Variants in STAB2 observed in about 807,000 individuals in gnomAD.
STAB2 encodes the protein stabilin 2.
Under a neutral mutation model 338.1 loss-of-function variants are expected in STAB2, and 288 were observed. The ratio of observed to expected loss-of-function variants is 0.85; its 90% CI spans 0.77 to 0.94. The LOEUF (loss-of-function observed/expected upper bound fraction) is 0.94, where lower values mean the gene tolerates loss of function less well. Among genes scored for constraint, STAB2 ranks in the 40% least tolerant of loss-of-function variants. The pLI is 0.00. For missense variants in STAB2, 3,141 were observed against 3,210.1 expected, an observed-to-expected ratio of 0.98 and a Z score of 0.52; for synonymous variants, 1,202 against 1,193.3, an observed-to-expected ratio of 1.01 and a Z score of -0.15.
chr12:103,754,687 C>T (rs980788310), intron 61 of STAB2, among the ~76,000 whole-genome samples: 13 of 152,092 alleles, frequency 8.5e-5, no homozygotes, highest in African/African-American at 2.9e-4. Flanking sequence ...TGGTGACTCA[C>T]GCCTGTAATC....
chr12:103,715,667 T>C, intron 42 of STAB2, 148 bp from the exon 43 acceptor site: 1 of 835,064 alleles, frequency 1.2e-6, no homozygotes, highest in Admixed American at 2.3e-5. Context: ...AGTTCAGTTA[T>C]TTCTGTCTCA....
chr12:103,652,598 G>A lies in STAB2; in HGVS notation c.1300G>A (p.Val434Met). 1 of 1,608,234 alleles carries A rather than the reference G, an allele frequency of 6.2e-7. No homozygotes were observed. The highest frequency in any genetic ancestry group is 2.2e-5 in the East Asian group (1 of 44,728). Residue 434 changes from valine to methionine, a missense_variant, in exon 12 of 69, where the codon GTG becomes ATG. Val to Met is a conservative substitution (Grantham distance 21). Coordinates refer to ENST00000388887, the MANE Select transcript of STAB2 (RefSeq NM_017564.10). ...LVDNKAAQYF[V>M]KLHIIAGQMN... ...GGATAATAAAGCTGCTCAATACTTT[G>A]TGAAACTCCACATAATTGCTGGTCA...
At chr12:103,700,733 T>C (rs1249837204) in intron 34 of STAB2, among the ~76,000 whole-genome samples, 1 of 152,250 alleles carries the variant, frequency 6.6e-6, no homozygotes, top group East Asian at 1.9e-4. Flanking sequence ...CAGCGTTCAT[T>C]TTTCCATGTG....
chr12:103,753,164 G>A (rs149323747), intron 60 of STAB2, 56 bp from the exon 61 acceptor site: 1 of 1,601,922 alleles, frequency 6.2e-7, no homozygotes, highest in African/African-American at 1.3e-5. Flanking sequence ...TCCATTGTTG[G>A]AAACACTGCC....
In STAB2 at chr12:103,728,901, T is replaced by A. The variant is rs1461328595; in HGVS notation, c.4988T>A (p.Val1663Glu). The A allele has an allele frequency of 1.9e-6, 3 of 1,613,880 alleles. No individual in the cohort carries two copies. The highest frequency in any genetic ancestry group is 2.5e-6 in the Non-Finnish European group (3 of 1,179,874). The change falls in exon 48 of 69, where the codon GTG (valine) becomes GAG (glutamate). Residue 1663 changes from valine (V) to glutamate (E), a missense_variant. Coordinates refer to ENST00000388887, the MANE Select transcript of STAB2 (RefSeq NM_017564.10). ...GLMPQVLRYH[V>E]VACHQLLLEN... The stretch of plus-strand genomic sequence containing the variant: ...ATGCCCCAGGTTCTTCGGTACCATG[T>A]GGTCGCCTGCCACCAGCTGCTTCTG...
rs748600213 is a variant in STAB2 at position 103,725,026 on chromosome 12, G to GA, written c.4738dup (p.Arg1580LysfsTer62). 1.2e-5 allele frequency: 19 copies of GA among 1,613,990 alleles called. No homozygotes were observed. Among genetic ancestry groups the GA allele is most frequent in the Non-Finnish European group, 1.5e-5 (18 of 1,179,956 alleles). On this transcript the variant is annotated frameshift_variant, in exon 45 of 69. Transcript: ENST00000388887. LOFTEE classifies it high-confidence loss of function. ...CATCTGCAACCACACTGGGCAAGTA[G>GA]AAAGGACTTGTACTTGCAAGCCAAA...
rs142351376 is a variant in STAB2 at position 103,742,510 on chromosome 12, C to T, written c.5987C>T (p.Ala1996Val). 8.0e-4 allele frequency: 1,293 copies of T among 1,614,090 alleles called. 11 individuals carry two copies. The highest frequency in any genetic ancestry group is 4.7e-5 in the Non-Finnish European group (55 of 1,180,022). The change falls in exon 56 of 69, where the codon GCG becomes GTG. Residue 1996 changes from alanine to valine, a missense_variant. Ala to Val is a moderately conservative substitution (Grantham distance 64). Transcript: ENST00000388887. ...CKCNTGFNGTACEMCWPGRFG... is the reference protein window; with the variant it reads ...CKCNTGFNGTVCEMCWPGRFG... ...TGCAACACCGGCTTCAATGGGACGGCGTGTGAGATGTGCTGGCCGGGGAGA... is the reference window on the plus strand; with the variant it reads ...TGCAACACCGGCTTCAATGGGACGGTGTGTGAGATGTGCTGGCCGGGGAGA...
intron 3 of STAB2, among the ~76,000 whole-genome samples, chr12:103,606,953 CAGCCTGGGCAACAGAG>C (rs1230151626): frequency 6.6e-6 from 1 of 152,100 alleles, no homozygotes; most frequent in Admixed American, 6.5e-5. Flanking sequence ...GACTGCACTC[CAGCCTGGGCAACAGAG>C]CAAGACTCTG....
chr12:103,623,405 G>A (rs1237776767), intron 5 of STAB2, among the ~76,000 whole-genome samples: 1 of 152,172 alleles, frequency 6.6e-6, no homozygotes, highest in African/African-American at 2.4e-5. Context: ...CTGACCTTAG[G>A]ATAAGAGATT....
chr12:103,745,056 CTG>C, intron 56 of STAB2, 115 bp from the exon 57 acceptor site: 1 of 787,174 alleles, frequency 1.3e-6, no homozygotes, highest in African/African-American at 1.8e-5. Flanking sequence ...GAATGAATGA[CTG>C]TGACATAAGC....
chr12:103,726,186 T>C, intron 46 of STAB2, 23 bp downstream of exon 46: 1 of 1,613,478 alleles, frequency 6.2e-7, no homozygotes, highest in Non-Finnish European at 8.5e-7. Flanking sequence ...CATGTCTGTC[T>C]AGCCATAAGA....
chr12:103,635,918 T>C (rs1957537899), intron 6 of STAB2, among the ~76,000 whole-genome samples: 1 of 152,202 alleles, frequency 6.6e-6, no homozygotes, highest in African/African-American at 2.4e-5. Flanking sequence ...ATCCAGTGAC[T>C]AACGCCATGC....
At chr12:103,695,496 A>T in intron 31 of STAB2, 54 bp from the exon 32 acceptor site, 1 of 1,570,196 alleles carries the variant, frequency 6.4e-7, no homozygotes, top group East Asian at 2.2e-5. Context: ...TGTATCGAAA[A>T]GCAGTAGGTC....
chr12:103,705,811 G>GC (rs1396578080), intron 37 of STAB2, 84 bp downstream of exon 37: 1 of 1,317,838 alleles, frequency 7.6e-7, no homozygotes, highest in Non-Finnish European at 1.1e-6. Context: ...AAATCCCTGT[G>GC]CAGGTATGCT....
Position 103,637,094 on chromosome 12 carries a change from A to G in STAB2, c.584-17A>G, listed in dbSNP as rs1253464588. 3.8e-6 allele frequency: 6 copies of G among 1,589,996 alleles called. No individual in the cohort carries two copies. The South Asian group carries it at 7.0e-5, about 18-fold the overall frequency. ...TTATTCTACTAATGCAAGTACTTCA[A>G]CAATTTTCCTATGCAGCCATCCCTG... On this transcript the variant is annotated splice_polypyrimidine_tract_variant and intron_variant, in intron 6 of 68. Coordinates refer to ENST00000388887, the MANE Select transcript of STAB2 (RefSeq NM_017564.10).
intron 3 of STAB2, among the ~76,000 whole-genome samples, chr12:103,615,087 T>C (rs1421078589): frequency 6.6e-6 from 1 of 152,200 alleles, no homozygotes; most frequent in Non-Finnish European, 1.5e-5. Flanking sequence ...TTTATTTTAG[T>C]TTCATCTGCT....
intron 3 of STAB2, among the ~76,000 whole-genome samples, chr12:103,610,831 A>G (rs1159053616): frequency 6.6e-6 from 1 of 152,222 alleles, no homozygotes; most frequent in Non-Finnish European, 1.5e-5. Context: ...ATTTAGTGCT[A>G]TAAATTTCCC....
Position 103,591,025 on chromosome 12 carries a change from T to C in STAB2, c.210T>C (p.Asp70=), listed in dbSNP as rs1956790134. The C allele has an allele frequency of 3.1e-6, 5 of 1,613,526 alleles. No individual in the cohort carries two copies. The highest frequency in any genetic ancestry group is 1.6e-4 in the Middle Eastern group (1 of 6,084). The change falls in exon 2 of 69, where the codon GAT becomes GAC. Residue 70 remains aspartate, a synonymous_variant. Transcript: ENST00000388887. ...MITSGSVGVR[D]CRYTFEVRTY... ...CCAGTGGCTCTGTAGGGGTTCGAGA[T>C]TGCAGGTACTCATGAGAAAATAAAC... is the stretch of plus-strand genomic sequence containing the variant.
chr12:103,591,000 C>T lies in STAB2; in HGVS notation c.185C>T (p.Thr62Ile). The T allele has an allele frequency of 6.2e-7, 1 of 1,614,022 alleles. No individual in the cohort carries two copies. Among genetic ancestry groups the T allele is most frequent in the South Asian group, 1.1e-5 (1 of 91,056 alleles). Reference sequence around the variant, plus strand: ...TGCCCGGATGGTTACACCATGATTACCAGTGGCTCTGTAGGGGTTCGAGAT... The same window carrying T: ...TGCCCGGATGGTTACACCATGATTATCAGTGGCTCTGTAGGGGTTCGAGAT... ...VKCPDGYTMI[T>I]SGSVGVRDCR... Residue 62 changes from threonine (T) to isoleucine (I), a missense_variant, in exon 2 of 69, where the codon ACC becomes ATC. Coordinates refer to ENST00000388887, the MANE Select transcript of STAB2 (RefSeq NM_017564.10).
Sources: allele counts gnomAD v4.1 joint callset (sites outside exome capture counted in the v4.1 genomes callset), GRCh38; gene constraint gnomAD v4.1.1; transcripts MANE v1.5; gene names NCBI Gene and HGNC (gene_info 2026-07-23, HGNC 2026-07-21).